BLMH: variants seen among roughly 807,000 people sequenced by gnomAD.
BLMH encodes the protein BLM hydrolase.
In BLMH, 32 loss-of-function variants were observed where a neutral mutation model predicts 61.6. That is an observed-to-expected ratio of 0.52 (90% confidence interval 0.39 to 0.70). The LOEUF (loss-of-function observed/expected upper bound fraction) is 0.70, where lower values mean the gene tolerates loss of function less well. BLMH is among the 30% of genes least tolerant of loss of function. The pLI is 0.00. For missense variants in BLMH, 460 were observed against 555.5 expected (o/e 0.83, Z 1.73); for synonymous variants, 183 against 193.8 (o/e 0.94, Z 0.46).
chr17:30,288,124 C>T (rs1239855761), intron 3 of BLMH, 177 bp from the exon 4 acceptor site: 1 of 568,412 alleles, frequency 1.8e-6, no homozygotes, highest in African/African-American at 1.9e-5. Flanking sequence ...AGAGGCCATG[C>T]TAATCTTTTC....
intron 10 of BLMH, among the ~76,000 whole-genome samples, chr17:30,268,759 G>T (rs1238099996): frequency 6.6e-6 from 1 of 151,682 alleles, no homozygotes; most frequent in Non-Finnish European, 1.5e-5. Context: ...ATTCTCGGCT[G>T]GGCACAGTGG....
intron 6 of BLMH, among the ~76,000 whole-genome samples, chr17:30,277,205 T>C (rs947829964): frequency 2.0e-5 from 3 of 152,216 alleles, no homozygotes; most frequent in Non-Finnish European, 4.4e-5. Flanking sequence ...CATCTCTCTT[T>C]TAACGTTATA....
At chr17:30,279,366 T>G (rs1007644871) in intron 6 of BLMH, among the ~76,000 whole-genome samples, 1 of 152,236 alleles carries the variant, frequency 6.6e-6, no homozygotes, top group African/African-American at 2.4e-5. Flanking sequence ...GAAGCTACAC[T>G]GAGTGCATCT....
At chr17:30,253,681 G>A (rs1005203797) in intron 11 of BLMH, among the ~76,000 whole-genome samples, 1 of 152,002 alleles carries the variant, frequency 6.6e-6, no homozygotes, top group Non-Finnish European at 1.5e-5. Flanking sequence ...AAGGAAAAAA[G>A]AAAAGAAAAC....
chr17:30,263,086 C>T (rs996862273), intron 11 of BLMH, among the ~76,000 whole-genome samples: 7 of 152,114 alleles, frequency 4.6e-5, no homozygotes, highest in Non-Finnish European at 8.8e-5. Flanking sequence ...TTCTGGTCAC[C>T]AATGACCATG....
chr17:30,291,911 G>A lies in BLMH; in HGVS notation c.-92C>T, dbSNP rs1908906967. On this transcript the variant is annotated 5_prime_UTR_variant, in exon 1 of 12. Transcript: ENST00000261714. Reference sequence around the variant, plus strand: ...CTGCGGCTCGCTGCCTAGGGGGCCCGACCTGTCTCTCGCACCCGGAGCGCC... The same window carrying A: ...CTGCGGCTCGCTGCCTAGGGGGCCCAACCTGTCTCTCGCACCCGGAGCGCC... 2 of 1,242,684 alleles carry A rather than the reference G, an allele frequency of 1.6e-6. No individual in the cohort carries two copies. The highest frequency in any genetic ancestry group is 3.1e-5 in the South Asian group (1 of 32,726). 77.0% of individuals were successfully genotyped at this position (1,242,684 alleles called of 1,614,324 possible). A position where few individuals can be genotyped will look rare whatever the true frequency, so the allele number is the denominator to read the frequency against.
chr17:30,279,182 A>G (rs1412666294), intron 6 of BLMH, among the ~76,000 whole-genome samples: 1 of 152,260 alleles, frequency 6.6e-6, no homozygotes, highest in Admixed American at 6.5e-5. Context: ...TTTAAAAAGA[A>G]CAGAAGAAGC....
In BLMH at chr17:30,272,717, G is replaced by A. The variant is rs116778162; in HGVS notation, c.960+24C>T. 1,138 of 1,614,020 alleles carry A rather than the reference G, an allele frequency of 7.1e-4. 6 individuals carry two copies. In the African/African-American group the frequency reaches 0.014, roughly 19 times the overall value. The stretch of plus-strand genomic sequence containing the variant: ...GTAAAAGATGTTTTAACCCCAATGT[G>A]CAAAATACAGAAACAATACCAACCT... On this transcript the variant is annotated intron_variant, in intron 8 of 11. Coordinates refer to ENST00000261714, the MANE Select transcript of BLMH (RefSeq NM_000386.4).
At chr17:30,252,960 C>T (rs1252754397) in intron 11 of BLMH, among the ~76,000 whole-genome samples, 2 of 152,144 alleles carry the variant, frequency 1.3e-5, no homozygotes, top group African/African-American at 2.4e-5. Context: ...TCAACCAGTG[C>T]GTATTATTTA....
intron 11 of BLMH, among the ~76,000 whole-genome samples, chr17:30,259,716 G>A (rs1035926183): frequency 2.0e-5 from 3 of 152,156 alleles, no homozygotes; most frequent in Non-Finnish European, 4.4e-5. Flanking sequence ...GAGGGTCAGA[G>A]ACATTCATTC....
chr17:30,282,401 A>G (rs1019752031), intron 6 of BLMH, among the ~76,000 whole-genome samples: 1 of 152,020 alleles, frequency 6.6e-6, no homozygotes, highest in East Asian at 1.9e-4. Context: ...GTATTTTAGT[A>G]GAGACGGGGT....
chr17:30,287,695 C>A lies in BLMH; in HGVS notation c.463+111G>T, dbSNP rs1908769745. The A allele has an allele frequency of 7.1e-6, 9 of 1,273,158 alleles. No homozygotes were observed. In the South Asian group the frequency reaches 1.4e-4, roughly 20 times the overall value. 78.9% of individuals were successfully genotyped at this position (1,273,158 alleles called of 1,614,324 possible). A position where few individuals can be genotyped will look rare whatever the true frequency, so the allele number is the denominator to read the frequency against. Reference sequence around the variant, plus strand: ...TCCTTAGAAATAACTATATATCCTTCTTGGAGACCAATTCTACTCTGTACA... The same window carrying A: ...TCCTTAGAAATAACTATATATCCTTATTGGAGACCAATTCTACTCTGTACA... On this transcript the variant is annotated intron_variant, in intron 4 of 11. Coordinates refer to ENST00000261714, the MANE Select transcript of BLMH (RefSeq NM_000386.4).
chr17:30,275,445 G>T (rs1408155976), intron 6 of BLMH, among the ~76,000 whole-genome samples: 4 of 152,146 alleles, frequency 2.6e-5, no homozygotes, highest in African/African-American at 9.7e-5. Flanking sequence ...TGGATCATGA[G>T]GTCAGGAGTT....
At chr17:30,283,518 C>CTTT (rs531841262) in intron 6 of BLMH, among the ~76,000 whole-genome samples, 17 of 127,048 alleles carry the variant, frequency 1.3e-4, no homozygotes, top group African/African-American at 1.5e-4. Context: ...ATACCTCCAT[C>CTTT]TTTTTTTTTT....
At chr17:30,285,819 T>C (rs1452414872) in intron 5 of BLMH, among the ~76,000 whole-genome samples, 10 of 152,194 alleles carry the variant, frequency 6.6e-5, no homozygotes, top group Non-Finnish European at 1.5e-4. Context: ...ACAAGATAAT[T>C]ATGCCACTAT....
intron 11 of BLMH, among the ~76,000 whole-genome samples, chr17:30,264,605 C>T (rs1453383012): frequency 2.0e-5 from 3 of 152,192 alleles, no homozygotes; most frequent in African/African-American, 7.2e-5. Flanking sequence ...ACACTACTAT[C>T]TTCAAACTCA....
chr17:30,272,417 C>T, intron 9 of BLMH, 144 bp downstream of exon 9: 1 of 873,954 alleles, frequency 1.1e-6, no homozygotes. Context: ...AGTCCTCAAA[C>T]TCTAAAGGAT....
chr17:30,276,607 G>C (rs1229098473), intron 6 of BLMH, among the ~76,000 whole-genome samples: 1 of 152,146 alleles, frequency 6.6e-6, no homozygotes, highest in Admixed American at 6.5e-5. Flanking sequence ...AATTTGAAAA[G>C]CACTACTTTT....
intron 5 of BLMH, among the ~76,000 whole-genome samples, chr17:30,286,105 A>T (rs926272885): frequency 1.3e-5 from 2 of 152,154 alleles, no homozygotes; most frequent in African/African-American, 4.8e-5. Context: ...GTCTACTTCT[A>T]ATGTTGGGGA....
Sources: gnomAD v4.1 joint callset for allele counts (sites outside exome capture counted in the v4.1 genomes callset) on GRCh38, gnomAD v4.1.1 for gene constraint, MANE v1.5 for transcripts, NCBI Gene and HGNC (gene_info 2026-07-23, HGNC 2026-07-21) for gene names.